RANBP17: variants seen among roughly 807,000 people sequenced by gnomAD.
RANBP17 encodes RAN binding protein 17, also known as ran-binding protein 17.
RANBP17 carries 158 observed loss-of-function variants against 141.2 expected under a neutral mutation model. That is an observed-to-expected ratio of 1.12 (90% CI 0.98 to 1.28). The LOEUF (loss-of-function observed/expected upper bound fraction) is 1.28, where lower values mean the gene tolerates loss of function less well. Among genes scored for constraint, RANBP17 ranks in the 50% most tolerant of loss-of-function variants. RANBP17 has a pLI of 0.00. For synonymous variants in RANBP17, 430 were observed against 450.0 expected (o/e 0.96, Z 0.56); for missense variants, 1,438 against 1,290.7 (o/e 1.11, Z -1.75).
chr5:171,206,006 G>A, intron 20 of RANBP17: 1 of 345,768 alleles, frequency 2.9e-6, no homozygotes, highest in Non-Finnish European at 5.7e-6. Context: ...TCTCTTCAAG[G>A]CCTAACCCAT....
At chr5:170,882,864 T>C (rs1174305367) in intron 3 of RANBP17, among the ~76,000 whole-genome samples, 1 of 152,232 alleles carries the variant, frequency 6.6e-6, no homozygotes, top group Non-Finnish European at 1.5e-5. Flanking sequence ...GCATTTCATA[T>C]GGACAAAATT....
intron 18 of RANBP17, 83 bp from the exon 19 acceptor site, chr5:171,199,587 G>A: frequency 1.3e-6 from 1 of 765,534 alleles, no homozygotes; most frequent in Non-Finnish European, 2.1e-6. Context: ...ATATTTCTAA[G>A]CCTAAATGAA....
intron 14 of RANBP17, among the ~76,000 whole-genome samples, chr5:171,151,933 G>A (rs17051904): frequency 0.014 from 2,121 of 152,148 alleles, 41 homozygotes; most frequent in African/African-American, 0.048. Context: ...TTGAACTCTT[G>A]GGAGCAGATG....
At chr5:170,897,459 A>C (rs1028018450) in intron 5 of RANBP17, 1 of 372,956 alleles carries the variant, frequency 2.7e-6, no homozygotes, top group African/African-American at 2.1e-5. Flanking sequence ...CAGAATGTAC[A>C]GGTTTGTTAC....
In RANBP17 at chr5:170,865,952, A is replaced by G. The variant is rs577545574; in HGVS notation, c.18+3901A>G. 3.9e-5 allele frequency among the ~76,000 whole-genome samples: 6 copies of G among 152,334 alleles called. No individual in the cohort carries two copies. In the East Asian group the frequency reaches 1.2e-3, roughly 29 times the overall value. ...GACATGTTGTGCTCCCTGCATCAAT[A>G]TATGGCAATATGCACTAATTATTGC... On this transcript the variant is annotated intron_variant, in intron 1 of 27. Transcript: ENST00000523189.
intron 1 of RANBP17, among the ~76,000 whole-genome samples, chr5:170,873,800 A>G (rs1353283474): frequency 1.3e-5 from 2 of 151,952 alleles, no homozygotes; most frequent in Non-Finnish European, 1.5e-5. Flanking sequence ...CAGCTCCTGG[A>G]TTTATTGACT....
At chr5:171,072,357 T>C (rs373011238) in intron 14 of RANBP17, among the ~76,000 whole-genome samples, 12 of 151,936 alleles carry the variant, frequency 7.9e-5, no homozygotes, top group East Asian at 5.8e-4. Context: ...AACTGTAAGA[T>C]AGTAAATTTG....
intron 22 of RANBP17, among the ~76,000 whole-genome samples, chr5:171,239,545 A>T (rs1305819701): frequency 6.6e-6 from 1 of 152,164 alleles, no homozygotes; most frequent in African/African-American, 2.4e-5. Flanking sequence ...CAAAGTGGGG[A>T]GTTGGAGGTT....
chr5:170,975,986 C>CA (rs869162502), intron 14 of RANBP17, among the ~76,000 whole-genome samples: 2 of 89,862 alleles, frequency 2.2e-5, no homozygotes, highest in African/African-American at 6.1e-5. Context: ...GATAAATAGG[C>CA]AAAAAACAAA....
At chr5:171,168,522 G>A (rs541983654) in intron 14 of RANBP17, among the ~76,000 whole-genome samples, 1 of 152,234 alleles carries the variant, frequency 6.6e-6, no homozygotes, top group Non-Finnish European at 1.5e-5. Flanking sequence ...TACGAGAGAG[G>A]TTTGGCATCA....
intron 14 of RANBP17, among the ~76,000 whole-genome samples, chr5:171,152,185 G>C (rs1758533185): frequency 6.6e-6 from 1 of 151,780 alleles, no homozygotes; most frequent in South Asian, 2.1e-4. Context: ...GTCCGAGGCA[G>C]GAGGATCACT....
chr5:171,080,060 A>T (rs1339838708), intron 14 of RANBP17, among the ~76,000 whole-genome samples: 1 of 152,114 alleles, frequency 6.6e-6, no homozygotes, highest in East Asian at 1.9e-4. Flanking sequence ...TACCCTTCGG[A>T]TCCACTCATG....
chr5:171,221,983 AGCTATCATATTG>A (rs1258641003), intron 22 of RANBP17, 143 bp downstream of exon 22: 4 of 607,192 alleles, frequency 6.6e-6, no homozygotes, highest in Non-Finnish European at 1.2e-5. Flanking sequence ...AAAGCCAGTT[AGCTATCATATTG>A]GCATCAGGAG....
chr5:171,052,765 T>G (rs1173374395), intron 14 of RANBP17, among the ~76,000 whole-genome samples: 2 of 152,214 alleles, frequency 1.3e-5, no homozygotes, highest in Non-Finnish European at 2.9e-5. Context: ...TGCCATTGAA[T>G]TTTGATAGGT....
intron 24 of RANBP17, among the ~76,000 whole-genome samples, chr5:171,254,937 G>T (rs1765795851): frequency 6.6e-6 from 1 of 152,042 alleles, no homozygotes; most frequent in South Asian, 2.1e-4. Context: ...GTATCTTTTG[G>T]CTCAGTAAAT....
intron 14 of RANBP17, among the ~76,000 whole-genome samples, chr5:171,077,288 C>G (rs765422759): frequency 6.6e-6 from 1 of 151,606 alleles, no homozygotes. Flanking sequence ...TGAAGTGAGC[C>G]GAGATCACGC....
chr5:170,977,186 T>G (rs934563721), intron 14 of RANBP17, among the ~76,000 whole-genome samples: 7 of 151,928 alleles, frequency 4.6e-5, no homozygotes, highest in African/African-American at 1.7e-4. Context: ...GGGCAAAAGA[T>G]CTAAACAGAC....
At chr5:171,163,792 T>C (rs370189201) in intron 14 of RANBP17, among the ~76,000 whole-genome samples, 13 of 152,322 alleles carry the variant, frequency 8.5e-5, no homozygotes, top group East Asian at 5.8e-4. Flanking sequence ...TTACCTGATA[T>C]GTTTTTGAGA....
intron 14 of RANBP17, among the ~76,000 whole-genome samples, chr5:171,028,289 T>C (rs1781349260): frequency 6.6e-6 from 1 of 152,054 alleles, no homozygotes; most frequent in Admixed American, 6.6e-5. Flanking sequence ...AAAAAAATCA[T>C]CAGTTTTGGA....
Sources: gnomAD v4.1 joint callset for allele counts (sites outside exome capture counted in the v4.1 genomes callset) on GRCh38, gnomAD v4.1.1 for gene constraint, MANE v1.5 for transcripts, NCBI Gene and HGNC (gene_info 2026-07-23, HGNC 2026-07-21) for gene names.